The following HS3ST5 variants were observed in gnomAD, a reference collection of about 807,000 sequenced individuals.
HS3ST5 encodes the protein heparan sulfate-glucosamine 3-sulfotransferase 5, also known as heparan sulfate glucosamine 3-O-sulfotransferase 5.
A neutral mutation model predicts 25.4 loss-of-function variants in HS3ST5; 10 were observed. The observed-to-expected ratio is 0.39, with a 90% CI of 0.24 to 0.67. The LOEUF (loss-of-function observed/expected upper bound fraction) is 0.67, where lower values mean the gene tolerates loss of function less well. Among genes scored for constraint, HS3ST5 ranks in the 30% least tolerant of loss-of-function variants. The pLI, the probability that HS3ST5 is intolerant of heterozygous loss-of-function variation, is 0.44. For missense variants in HS3ST5, 324 were observed against 420.7 expected (o/e 0.77, Z 2.01); for synonymous variants, 170 against 162.4 (o/e 1.05, Z -0.36).
At chr6:114,130,475 T>A (rs1582633466) in intron 3 of HS3ST5, among the ~76,000 whole-genome samples, 1 of 152,216 alleles carries the variant, frequency 6.6e-6, no homozygotes, top group Non-Finnish European at 1.5e-5. Flanking sequence ...TGGTGGCTCA[T>A]GCCTGTAATC....
In HS3ST5 at chr6:114,056,759, C is replaced by A. The variant is rs1376952512; in HGVS notation, c.*498G>T. 2 of 152,712 alleles carry A rather than the reference C, an allele frequency of 1.3e-5. No homozygotes were observed. Among genetic ancestry groups the A allele is most frequent in the African/African-American group, 4.8e-5 (2 of 41,406 alleles). 9.5% of individuals were successfully genotyped at this position (152,712 alleles called of 1,614,324 possible). On this transcript the variant is annotated 3_prime_UTR_variant, in exon 5 of 5. Coordinates refer to ENST00000312719, the MANE Select transcript of HS3ST5 (RefSeq NM_153612.4). ...ACAATGTCAATTTTATGAGATAAGA[C>A]GTTCTTTTAAATAATAAGAAAATAG...
At chr6:114,318,186 T>C (rs1775820617) in intron 1 of HS3ST5, among the ~76,000 whole-genome samples, 1 of 152,166 alleles carries the variant, frequency 6.6e-6, no homozygotes, top group South Asian at 2.1e-4. Context: ...GTCCACTTCA[T>C]GTCCAGCCCA....
rs73542378 is a variant in HS3ST5, at chr6:114,287,027, G to C, written c.-339+55168C>G. On this transcript the variant is annotated intron_variant, in intron 1 of 4. Coordinates refer to ENST00000312719, the MANE Select transcript of HS3ST5 (RefSeq NM_153612.4). Reference sequence around the variant, plus strand: ...AAGATAACTGAAGTTGTGCTTGAAGGTGTCTTGTATAAATTAGTGTACTCG... The same window carrying C: ...AAGATAACTGAAGTTGTGCTTGAAGCTGTCTTGTATAAATTAGTGTACTCG... Among the ~76,000 whole-genome samples the C allele has an allele frequency of 2.0e-5, 3 of 151,798 alleles. 1 individual carries two copies. Among genetic ancestry groups the C allele is most frequent in the African/African-American group, 7.3e-5 (3 of 41,318 alleles).
At chr6:114,120,413 A>G (rs902747772) in intron 3 of HS3ST5, among the ~76,000 whole-genome samples, 33 of 152,180 alleles carry the variant, frequency 2.2e-4, no homozygotes, top group Admixed American at 1.2e-3. Flanking sequence ...TATGATTTCA[A>G]TGTCTGTATT....
chr6:114,087,618 G>A (rs961395601), intron 3 of HS3ST5, among the ~76,000 whole-genome samples: 6 of 152,094 alleles, frequency 3.9e-5, no homozygotes, highest in African/African-American at 1.4e-4. Context: ...AAATAATCAG[G>A]TGCAAAAAAG....
chr6:114,291,057 T>A (rs1038690223), intron 1 of HS3ST5, among the ~76,000 whole-genome samples: 2 of 152,056 alleles, frequency 1.3e-5, no homozygotes, highest in Non-Finnish European at 2.9e-5. Context: ...CTGTCCCCTG[T>A]CAAATGGGCT....
intron 1 of HS3ST5, among the ~76,000 whole-genome samples, chr6:114,266,140 TA>T (rs1773396118): frequency 6.6e-6 from 1 of 152,226 alleles, no homozygotes; most frequent in African/African-American, 2.4e-5. Flanking sequence ...CAGTTAATGA[TA>T]CTGTCAACTA....
At chr6:114,238,353 G>C (rs1272286923) in intron 1 of HS3ST5, among the ~76,000 whole-genome samples, 1 of 152,178 alleles carries the variant, frequency 6.6e-6, no homozygotes, top group Non-Finnish European at 1.5e-5. Flanking sequence ...TTGGCCAAAG[G>C]AAAGAGCATC....
chr6:114,313,919 C>A (rs1385450446), intron 1 of HS3ST5, among the ~76,000 whole-genome samples: 1 of 103,978 alleles, frequency 9.6e-6, no homozygotes, highest in Non-Finnish European at 2.2e-5. Flanking sequence ...TGGATCTAAC[C>A]CCCATTTTGT....
chr6:114,203,794 A>C (rs1781139395), intron 2 of HS3ST5, among the ~76,000 whole-genome samples: 1 of 152,126 alleles, frequency 6.6e-6, no homozygotes, highest in Admixed American at 6.6e-5. Flanking sequence ...AGCTTTTGGG[A>C]GGCAGATTTG....
intron 3 of HS3ST5, among the ~76,000 whole-genome samples, chr6:114,134,416 T>C (rs565315835): frequency 2.6e-5 from 4 of 152,270 alleles, no homozygotes; most frequent in Non-Finnish European, 4.4e-5. Context: ...TCTAAAGAAC[T>C]GTCTGGTTGA....
At chr6:114,287,014 G>GT (rs1774368760) in intron 1 of HS3ST5, among the ~76,000 whole-genome samples, 1 of 151,896 alleles carries the variant, frequency 6.6e-6, no homozygotes, top group African/African-American at 2.4e-5. Flanking sequence ...GATAACTGAA[G>GT]TTGTGCTTGA....
chr6:114,205,989 G>C (rs139957115), intron 2 of HS3ST5, among the ~76,000 whole-genome samples: 1 of 152,114 alleles, frequency 6.6e-6, no homozygotes, highest in Non-Finnish European at 1.5e-5. Flanking sequence ...AGTACCAGGG[G>C]GTTGGGGACC....
intron 1 of HS3ST5, among the ~76,000 whole-genome samples, chr6:114,331,168 G>C (rs1461741786): frequency 6.6e-6 from 1 of 152,158 alleles, no homozygotes; most frequent in East Asian, 1.9e-4. Context: ...ATGGTTGCAA[G>C]ATAATAAAAC....
At chr6:114,062,911 T>A in intron 3 of HS3ST5, 34 bp from the exon 4 acceptor site, 1 of 1,269,552 alleles carries the variant, frequency 7.9e-7, no homozygotes, top group Non-Finnish European at 1.1e-6. Context: ...AGCCATCTCT[T>A]AGAGGCTCTG....
intron 1 of HS3ST5, among the ~76,000 whole-genome samples, chr6:114,302,307 A>G (rs1775110537): frequency 6.6e-6 from 1 of 152,190 alleles, no homozygotes; most frequent in East Asian, 1.9e-4. Flanking sequence ...GCTGAAAGCC[A>G]TTGCAAATTA....
intron 2 of HS3ST5, among the ~76,000 whole-genome samples, chr6:114,194,005 A>T (rs1780625599): frequency 6.6e-6 from 1 of 152,190 alleles, no homozygotes; most frequent in Admixed American, 6.6e-5. Context: ...AGTGCAAGGA[A>T]CATACTGTCA....
At chr6:114,224,619 A>T (rs1358343025) in intron 2 of HS3ST5, among the ~76,000 whole-genome samples, 1 of 151,146 alleles carries the variant, frequency 6.6e-6, no homozygotes, top group African/African-American at 2.4e-5. Context: ...GAGTTTGAAA[A>T]ATATTCATTG....
Position 114,107,527 on chromosome 6 carries a change from G to A in HS3ST5, c.-32-44650C>T, listed in dbSNP as rs78117586. 3.0e-3 allele frequency among the ~76,000 whole-genome samples: 464 copies of A among 152,314 alleles called. 7 individuals are homozygous for A. Among genetic ancestry groups the A allele is most frequent in the East Asian group, 0.021 (110 of 5,186 alleles). ...ACTCAACATTGTTTTGAAAGTTCCA[G>A]CCAGTGCGATGGGCAAGAAAAAGAA... On this transcript the variant is annotated intron_variant, in intron 3 of 4. Transcript: ENST00000312719.
Sources: gnomAD v4.1 joint callset for allele counts (sites outside exome capture counted in the v4.1 genomes callset) on GRCh38, gnomAD v4.1.1 for gene constraint, MANE v1.5 for transcripts, NCBI Gene and HGNC (gene_info 2026-07-23, HGNC 2026-07-21) for gene names.